The following FER variants were observed in gnomAD, a reference collection of about 807,000 sequenced individuals.
FER encodes FER tyrosine kinase, also known as tyrosine-protein kinase Fer.
In FER, 63 loss-of-function variants were observed where a neutral mutation model predicts 111.0. The ratio of observed to expected loss-of-function variants is 0.57; its 90% CI spans 0.46 to 0.70. FER has a LOEUF of 0.70. Ranked by LOEUF, FER falls within the 30% of genes least tolerant of loss-of-function variation. The probability of loss-of-function intolerance (pLI) is 0.00; values close to 1 mark genes in which losing one functional copy is unlikely to be tolerated. For missense variants in FER, 914 were observed against 954.0 expected (o/e 0.96, Z 0.55); for synonymous variants, 327 against 313.9 (o/e 1.04, Z -0.44).
chr5:108,748,672 C>T (rs920964439), intron 1 of FER: 7 of 152,348 alleles, frequency 4.6e-5, no homozygotes, highest in African/African-American at 1.7e-4. Flanking sequence ...AGCTCCGCGT[C>T]TCCACTCCCA....
rs372919538 is a variant in FER at position 108,889,666 on chromosome 5, A to G, written c.1046+6148A>G. Among the ~76,000 whole-genome samples the G allele has an allele frequency of 2.6e-5, 4 of 151,968 alleles. No individual in the cohort carries two copies. The East Asian group carries it at 7.7e-4, about 29-fold the overall frequency. ...CATTTTAAAATAACTAAAAGAGTAT[A>G]ATAGGATAGTTTATAACACAAAGGA... is the stretch of plus-strand genomic sequence containing the variant. On this transcript the variant is annotated intron_variant, in intron 9 of 19. Transcript: ENST00000281092.
chr5:109,184,045 T>C (rs1296674917), intron 18 of FER, among the ~76,000 whole-genome samples: 1 of 152,228 alleles, frequency 6.6e-6, no homozygotes, highest in Non-Finnish European at 1.5e-5. Flanking sequence ...GTTTGGCATA[T>C]ATTGCTACCA....
At position 109,180,910 on chromosome 5, in the gene FER, A is replaced by G; in HGVS notation, c.2203+9A>G. Reference sequence around the variant, plus strand: ...GGAAGCTCTTAATTATGGTAAGAATAGACCACATTTTTTTTTTAATGGTAA... The same window carrying G: ...GGAAGCTCTTAATTATGGTAAGAATGGACCACATTTTTTTTTTAATGGTAA... On this transcript the variant is annotated intron_variant, in intron 18 of 19. Transcript: ENST00000281092. 1.3e-6 allele frequency: 2 copies of G among 1,570,654 alleles called. No individual in the cohort carries two copies. The highest frequency in any genetic ancestry group is 2.4e-5 in the South Asian group (2 of 83,634).
chr5:109,178,308 C>T (rs1254640881), intron 17 of FER, among the ~76,000 whole-genome samples: 2 of 152,178 alleles, frequency 1.3e-5, no homozygotes, highest in Non-Finnish European at 2.9e-5. Context: ...ATTTTATTTA[C>T]ACTGAATTGA....
intron 10 of FER, among the ~76,000 whole-genome samples, chr5:108,898,270 T>A (rs912843325): frequency 6.6e-6 from 1 of 152,314 alleles, no homozygotes; most frequent in African/African-American, 2.4e-5. Context: ...ATTGATTTAG[T>A]TTAAGAATTT....
chr5:109,045,586 TCA>T (rs1428060937), intron 15 of FER, among the ~76,000 whole-genome samples: 1 of 152,194 alleles, frequency 6.6e-6, no homozygotes, highest in African/African-American at 2.4e-5. Context: ...TAGAAGGGGC[TCA>T]CTGCCCAATG....
chr5:109,007,447 TTATTCTA>T (rs199776310), intron 13 of FER, among the ~76,000 whole-genome samples: 16,811 of 152,132 alleles, frequency 0.11, 1,013 homozygotes, highest in Non-Finnish European at 0.14. Context: ...GCTCCCAAAA[TTATTCTA>T]TGCCCCTTTC....
intron 16 of FER, among the ~76,000 whole-genome samples, chr5:109,072,090 T>C (rs1775831298): frequency 6.6e-6 from 1 of 151,846 alleles, no homozygotes; most frequent in Non-Finnish European, 1.5e-5. Flanking sequence ...AGATTGTATA[T>C]ACATTGTACT....
intron 16 of FER, among the ~76,000 whole-genome samples, chr5:109,076,795 C>T (rs1238562259): frequency 2.0e-5 from 3 of 152,158 alleles, no homozygotes; most frequent in African/African-American, 4.8e-5. Flanking sequence ...GCAATAACAA[C>T]ATATAGTAAC....
intron 13 of FER, among the ~76,000 whole-genome samples, chr5:108,997,241 TAAA>T (rs777216661): frequency 1.5e-5 from 2 of 133,262 alleles, no homozygotes; most frequent in Non-Finnish European, 1.6e-5. Flanking sequence ...CCGTCTCTAC[TAAA>T]AAAAAAAAAA....
chr5:108,791,359 A>T (rs1298832697), intron 2 of FER, among the ~76,000 whole-genome samples: 2 of 152,114 alleles, frequency 1.3e-5, no homozygotes, highest in African/African-American at 4.8e-5. Context: ...TTATCTCATT[A>T]TAGTTCTGAT....
At chr5:109,019,405 A>G (rs1209312305) in intron 13 of FER, among the ~76,000 whole-genome samples, 3 of 151,846 alleles carry the variant, frequency 2.0e-5, no homozygotes, top group Non-Finnish European at 2.9e-5. Context: ...ATGCAAAAGT[A>G]TCATTGTTAG....
intron 3 of FER, chr5:108,819,826 A>G: frequency 1.0e-6 from 1 of 985,350 alleles, no homozygotes; most frequent in Non-Finnish European, 1.2e-6. Flanking sequence ...TCTGGGAGTA[A>G]GAACTGAGTT....
Position 108,845,053 on chromosome 5 carries a change from T to C in FER, c.481+9246T>C, listed in dbSNP as rs1182987080. On this transcript the variant is annotated intron_variant, in intron 5 of 19. Transcript: ENST00000281092. ...ATATATATATATACATATATATATA[T>C]ATATATATATATATACACACACACA... Among the ~76,000 whole-genome samples the C allele has an allele frequency of 1.6e-3, 83 of 50,508 alleles. 2 individuals carry two copies. Among genetic ancestry groups the C allele is most frequent in the Middle Eastern group, 8.6e-3 (1 of 116 alleles). The allele number at this position is 50,508 out of a possible 152,430, so 33.1% of individuals were successfully genotyped here.
chr5:109,005,102 C>T (rs1366648161), intron 13 of FER, among the ~76,000 whole-genome samples: 1 of 151,874 alleles, frequency 6.6e-6, no homozygotes, highest in Non-Finnish European at 1.5e-5. Flanking sequence ...CCAGTGTGTG[C>T]CAGAACTTTG....
At chr5:109,045,361 C>A (rs1771812346) in intron 15 of FER, among the ~76,000 whole-genome samples, 1 of 149,268 alleles carries the variant, frequency 6.7e-6, no homozygotes, top group Non-Finnish European at 1.5e-5. Flanking sequence ...ATGTACAAAA[C>A]ATGCATAAAT....
intron 2 of FER, among the ~76,000 whole-genome samples, chr5:108,769,907 A>C (rs1367821955): frequency 6.6e-6 from 1 of 152,082 alleles, no homozygotes; most frequent in Non-Finnish European, 1.5e-5. Flanking sequence ...TATACTAGTT[A>C]ATACTTTATT....
intron 13 of FER, among the ~76,000 whole-genome samples, chr5:108,968,193 C>G (rs777563044): frequency 4.6e-5 from 7 of 152,154 alleles, no homozygotes; most frequent in Non-Finnish European, 8.8e-5. Flanking sequence ...TCGAGACAAG[C>G]CTGGCCAACA....
chr5:109,175,856 G>C (rs1757625077), intron 17 of FER, among the ~76,000 whole-genome samples: 1 of 152,184 alleles, frequency 6.6e-6, no homozygotes, highest in Non-Finnish European at 1.5e-5. Flanking sequence ...GCTCACACCT[G>C]CAATTCCAAC....
Sources: allele counts gnomAD v4.1 joint callset (sites outside exome capture counted in the v4.1 genomes callset), GRCh38; gene constraint gnomAD v4.1.1; transcripts MANE v1.5; gene names NCBI Gene and HGNC (gene_info 2026-07-23, HGNC 2026-07-21).